The following VPS13A variants were observed in gnomAD, a reference collection of about 807,000 sequenced individuals.
VPS13A encodes the protein vacuolar protein sorting 13 homolog A.
Under a neutral mutation model 390.9 loss-of-function variants are expected in VPS13A, and 264 were observed. That is an observed-to-expected ratio of 0.68 (90% confidence interval 0.61 to 0.75). The LOEUF (loss-of-function observed/expected upper bound fraction) is 0.75. Among genes scored for constraint, VPS13A ranks in the 30% least tolerant of loss-of-function variants. The pLI, the probability that VPS13A is intolerant of heterozygous loss-of-function variation, is 0.00. For missense variants in VPS13A, 3,409 were observed against 3,733.9 expected (o/e 0.91, Z 2.27); for synonymous variants, 1,231 against 1,227.1 (o/e 1.00, Z -0.07).
At chr9:77,356,614 G>A (rs1251429287) in intron 54 of VPS13A, 100 bp from the exon 55 acceptor site, 6 of 1,347,296 alleles carry the variant, frequency 4.5e-6, no homozygotes, top group African/African-American at 2.9e-5. Flanking sequence ...AGGCTGTTCT[G>A]AAATTTTAGT....
At chr9:77,372,273 G>T (rs1219126726) in intron 67 of VPS13A, among the ~76,000 whole-genome samples, 3 of 150,786 alleles carry the variant, frequency 2.0e-5, no homozygotes, top group Non-Finnish European at 4.4e-5. Context: ...CACCAACAGT[G>T]TAAAAGTTTT....
chr9:77,302,965 C>T lies in VPS13A; in HGVS notation c.3863C>T (p.Pro1288Leu). Residue 1288 changes from proline (P) to leucine (L), a missense_variant, in exon 34 of 72, where the codon CCA (proline) becomes CTA (leucine). Coordinates refer to ENST00000360280, the MANE Select transcript of VPS13A (RefSeq NM_033305.3). ...CAGGAAGTACTGGATCTACTCCTGC[C>T]ATTAAATCTTGAGGTTGTGGTTGAA... ...AYQEVLDLLL[P>L]LNLEVVVERN... The T allele has an allele frequency of 6.2e-7, 1 of 1,613,864 alleles. No individual in the cohort carries two copies. The highest frequency in any genetic ancestry group is 8.5e-7 in the Non-Finnish European group (1 of 1,179,872).
chr9:77,259,719 G>C (rs1333514958), intron 22 of VPS13A, among the ~76,000 whole-genome samples: 1 of 152,120 alleles, frequency 6.6e-6, no homozygotes, highest in Non-Finnish European at 1.5e-5. Context: ...GTACATATAG[G>C]AACTTAAATA....
chr9:77,318,189 T>C, intron 40 of VPS13A, 46 bp from the exon 41 acceptor site: 1 of 1,058,184 alleles, frequency 9.5e-7, no homozygotes, highest in Non-Finnish European at 1.4e-6. Context: ...TGACGTAGTA[T>C]GTTTGAAAGT....
chr9:77,212,398 A>G (rs1239559616), intron 7 of VPS13A, among the ~76,000 whole-genome samples: 1 of 152,142 alleles, frequency 6.6e-6, no homozygotes, highest in African/African-American at 2.4e-5. Flanking sequence ...CTTAGAATCA[A>G]TAATTTTTAG....
chr9:77,377,333 C>T (rs1317186996), intron 67 of VPS13A, among the ~76,000 whole-genome samples: 2 of 148,858 alleles, frequency 1.3e-5, no homozygotes, highest in Admixed American at 1.3e-4. Flanking sequence ...CATTCTCCTG[C>T]CTCAGCCTCC....
At chr9:77,394,228 CTAAT>C (rs1391155660) in intron 68 of VPS13A, among the ~76,000 whole-genome samples, 1 of 140,920 alleles carries the variant, frequency 7.1e-6, no homozygotes, top group African/African-American at 2.5e-5. Flanking sequence ...CCACATCTGG[CTAAT>C]TTTTTTTTTT....
chr9:77,239,077 T>C (rs1295705064), intron 19 of VPS13A, among the ~76,000 whole-genome samples: 6 of 152,046 alleles, frequency 3.9e-5, no homozygotes, highest in South Asian at 2.1e-4. Flanking sequence ...ATTTTTTTTT[T>C]CCCCTTTTGT....
chr9:77,223,369 A>T (rs1432495275), intron 13 of VPS13A, among the ~76,000 whole-genome samples: 1 of 152,136 alleles, frequency 6.6e-6, no homozygotes, highest in Non-Finnish European at 1.5e-5. Context: ...TGAAAGTTGG[A>T]AATAATTAAG....
chr9:77,321,636 A>G lies in VPS13A; in HGVS notation c.5720A>G (p.Tyr1907Cys). 2 of 1,613,414 alleles carry G rather than the reference A, an allele frequency of 1.2e-6. No homozygotes were observed. Among genetic ancestry groups the G allele is most frequent in the Non-Finnish European group, 1.7e-6 (2 of 1,179,590 alleles). ...SVLNIPMAKS[Y>C]VLKNGESLSM... ...CTCAACATTCCTATGGCAAAATCATATGTATTGAAAAATGGAGAAAGTTTA... is the reference window on the plus strand; with the variant it reads ...CTCAACATTCCTATGGCAAAATCATGTGTATTGAAAAATGGAGAAAGTTTA... Residue 1907 changes from tyrosine (Y) to cysteine (C), a missense_variant, in exon 44 of 72, where the codon TAT becomes TGT. Tyr to Cys is a radical substitution (Grantham distance 194). Coordinates refer to ENST00000360280, the MANE Select transcript of VPS13A (RefSeq NM_033305.3).
At position 77,419,737 on chromosome 9, in the gene VPS13A, T is replaced by C. The variant is rs1286495409; in HGVS notation, c.*3731T>C. On this transcript the variant is annotated 3_prime_UTR_variant, in exon 72 of 72. Transcript: ENST00000360280. ...TTACCTAGATGTATTTTAACCTCTT[T>C]ACCACTAAGCATTTTACTATAATAG... 1 of 152,260 alleles carries C rather than the reference T, an allele frequency of 6.6e-6. No individual in the cohort carries two copies. The highest frequency in any genetic ancestry group is 2.4e-5 in the African/African-American group (1 of 41,470). 9.4% of individuals were successfully genotyped at this position (152,260 alleles called of 1,614,324 possible).
chr9:77,180,722 T>TA lies in VPS13A; in HGVS notation c.100+2928dup, dbSNP rs920364486. Among the ~76,000 whole-genome samples the TA allele has an allele frequency of 1.8e-3, 270 of 150,350 alleles. 2 individuals are homozygous for TA. Among genetic ancestry groups the TA allele is most frequent in the African/African-American group, 6.2e-3 (256 of 41,024 alleles). On this transcript the variant is annotated intron_variant, in intron 1 of 71. Transcript: ENST00000360280. ...TCTATTGAATTATCTTTGCATTTCG[T>TA]AAAAAAAAAATCAGTAGACTTAATA...
At chr9:77,212,815 T>C (rs1251424316) in intron 7 of VPS13A, among the ~76,000 whole-genome samples, 154 bp from the exon 8 acceptor site, 1 of 152,206 alleles carries the variant, frequency 6.6e-6, no homozygotes, top group Admixed American at 6.5e-5. Context: ...GACACTTTAC[T>C]GTGGTCAGTT....
At chr9:77,359,815 C>CAAAAAAAAAA (rs1270153072) in intron 58 of VPS13A, among the ~76,000 whole-genome samples, 1 of 59,618 alleles carries the variant, frequency 1.7e-5, no homozygotes, top group Non-Finnish European at 3.4e-5. Flanking sequence ...AAGACTGTCT[C>CAAAAAAAAAA]AAAAAAAAAA....
At chr9:77,183,311 A>G (rs1489851024) in intron 1 of VPS13A, among the ~76,000 whole-genome samples, 3 of 152,250 alleles carry the variant, frequency 2.0e-5, no homozygotes, top group Admixed American at 2.0e-4. Flanking sequence ...TCACATGATA[A>G]TGAACATATC....
intron 70 of VPS13A, among the ~76,000 whole-genome samples, chr9:77,407,256 C>T (rs1198509565): frequency 6.6e-6 from 1 of 152,174 alleles, no homozygotes; most frequent in Non-Finnish European, 1.5e-5. Context: ...ACCTCCTTCC[C>T]ATCCTTTATG....
At chr9:77,406,459 G>T (rs567717493) in intron 70 of VPS13A, among the ~76,000 whole-genome samples, 1 of 151,634 alleles carries the variant, frequency 6.6e-6, no homozygotes. Flanking sequence ...TTGCCCTGTC[G>T]CCCAAGCTGG....
chr9:77,255,383 C>G (rs760270793), intron 22 of VPS13A, among the ~76,000 whole-genome samples: 11 of 151,950 alleles, frequency 7.2e-5, no homozygotes, highest in Non-Finnish European at 1.3e-4. Flanking sequence ...GGAATAAATC[C>G]TCTTATTCTA....
At position 77,416,168 on chromosome 9, in the gene VPS13A, A is replaced by C; in HGVS notation, c.*162A>C. ...CAAAAAAACAAAAACAAAAAAACAA[A>C]ACCAGAATCAGGTAAAACAGCTATG... On this transcript the variant is annotated 3_prime_UTR_variant, in exon 72 of 72. Coordinates refer to ENST00000360280, the MANE Select transcript of VPS13A (RefSeq NM_033305.3). 1 of 788,636 alleles carries C rather than the reference A, an allele frequency of 1.3e-6. No individual in the cohort carries two copies. Among genetic ancestry groups the C allele is most frequent in the East Asian group, 2.6e-5 (1 of 38,446 alleles). The allele number at this position is 788,636 out of a possible 1,614,324, so 48.9% of individuals were successfully genotyped here.
Sources: gnomAD v4.1 joint callset for allele counts (sites outside exome capture counted in the v4.1 genomes callset) on GRCh38, gnomAD v4.1.1 for gene constraint, MANE v1.5 for transcripts, NCBI Gene and HGNC (gene_info 2026-07-23, HGNC 2026-07-21) for gene names.